INF2: variants seen among roughly 807,000 people sequenced by gnomAD.
INF2 encodes inverted formin-2.
INF2 carries 43 observed loss-of-function variants against 123.5 expected under a neutral mutation model. The ratio of observed to expected loss-of-function variants is 0.35; its 90% CI spans 0.27 to 0.45. The LOEUF (loss-of-function observed/expected upper bound fraction) is 0.45. Ranked by LOEUF, INF2 falls within the 20% of genes least tolerant of loss-of-function variation. The pLI, the probability that INF2 is intolerant of heterozygous loss-of-function variation, is 1.00. For missense variants in INF2, 1,453 were observed against 1,682.7 expected, an observed-to-expected ratio of 0.86 and a Z score of 2.39; for synonymous variants, 851 against 745.0, an observed-to-expected ratio of 1.14 and a Z score of -2.32.
At position 104,707,389 on chromosome 14, in the gene INF2, A is replaced by G. The variant is rs201850897; in HGVS notation, c.1122A>G (p.Gln374=). The change falls in exon 8 of 23, where the codon CAA becomes CAG. Residue 374 remains glutamine, a synonymous_variant. Coordinates refer to ENST00000392634, the MANE Select transcript of INF2 (RefSeq NM_022489.4). ...AGAGCCAGAGGGGCAGCTCCCCGCA[A>G]AACACTACAACCCCCAAGCCCAGCG... ...LDQSQRGSSP[Q]NTTTPKPSVE... is the part of the protein sequence containing the mutation. 1.9e-6 allele frequency: 3 copies of G among 1,591,018 alleles called. No homozygotes were observed. Among genetic ancestry groups the G allele is most frequent in the Non-Finnish European group, 2.6e-6 (3 of 1,170,270 alleles).
chr14:104,708,860 A>C (rs1218277711), intron 10 of INF2, 128 bp downstream of exon 10: 2 of 1,036,576 alleles, frequency 1.9e-6, no homozygotes, highest in African/African-American at 1.6e-5. Flanking sequence ...CCTAGGCAGG[A>C]TTGTAGGCGG....
At chr14:104,705,843 CCTG>C (rs1451096097) in intron 5 of INF2, among the ~76,000 whole-genome samples, 189 bp from the exon 6 acceptor site, 1 of 152,204 alleles carries the variant, frequency 6.6e-6, no homozygotes, top group Non-Finnish European at 1.5e-5. Context: ...AAGGCACTGA[CCTG>C]GGAGCTGCCA....
rs965222696 is a variant in INF2 at position 104,699,201 on chromosome 14, C to T, written c.-9-2156C>T. Among the ~76,000 whole-genome samples, 20 of 152,128 alleles carry T rather than the reference C, an allele frequency of 1.3e-4. No individual in the cohort carries two copies. The East Asian group carries it at 2.9e-3, about 22-fold the overall frequency. ...AGGATTTTTTGCATGGAGGGACCCCCGGGGCTCTTGGCTGGAGAGGACACT... is the reference window on the plus strand; with the variant it reads ...AGGATTTTTTGCATGGAGGGACCCCTGGGGCTCTTGGCTGGAGAGGACACT... On this transcript the variant is annotated intron_variant, in intron 1 of 22. Transcript: ENST00000392634. This position sits in a 1 kb window ranked among gnomAD's most constrained non-coding sequence, Gnocchi z 4.7.
intron 1 of INF2, among the ~76,000 whole-genome samples, chr14:104,696,869 G>C (rs1454318793): frequency 6.6e-6 from 1 of 151,262 alleles, no homozygotes; most frequent in African/African-American, 2.4e-5. Context: ...TCAGGGCCCA[G>C]AAGCACCCAG....
At position 104,722,046 on chromosome 14, in the gene INF2, G is replaced by A. The variant is rs540765442; in HGVS notation, c.*3253G>A. The A allele has an allele frequency of 2.0e-5, 3 of 152,468 alleles. No individual in the cohort carries two copies. The highest frequency in any genetic ancestry group is 4.8e-5 in the African/African-American group (2 of 41,582). The allele number at this position is 152,468 out of a possible 1,614,324, so 9.4% of individuals were successfully genotyped here. ...TCGTTCTTGCCCAAGGTCACACATC[G>A]AGACAGCAGGGCCCAGATGGATGGC... On this transcript the variant is annotated 3_prime_UTR_variant, in exon 23 of 23. Coordinates refer to ENST00000392634, the MANE Select transcript of INF2 (RefSeq NM_022489.4).
At chr14:104,687,084 G>C (rs996424503), upstream of INF2, among the ~76,000 whole-genome samples, 1 of 152,310 alleles carries the variant, frequency 6.6e-6, no homozygotes, top group Admixed American at 6.5e-5. The surrounding 1 kb of genome is among the most constrained non-coding windows in gnomAD (Gnocchi z 5.6). Flanking sequence ...TTGTGTACCC[G>C]GCTCCGAGGA....
chr14:104,711,784 G>C, intron 16 of INF2, 85 bp downstream of exon 16: 2 of 1,320,530 alleles, frequency 1.5e-6, no homozygotes, highest in Admixed American at 3.7e-5. Context: ...TGCCCGCCAG[G>C]GCTGGGTCTC....
At chr14:104,689,617 C>CCCCCG, upstream of INF2, 1 of 897,962 alleles carries the variant, frequency 1.1e-6, no homozygotes, top group Non-Finnish European at 1.3e-6. Flanking sequence ...GCCCCGCGCC[C>CCCCCG]GCCAGGAGCC....
At chr14:104,692,572 G>A (rs977536246) in intron 1 of INF2, among the ~76,000 whole-genome samples, 16 of 152,182 alleles carry the variant, frequency 1.1e-4, no homozygotes, top group African/African-American at 3.6e-4. Flanking sequence ...AGCCATTACC[G>A]GGCCTCCAAA....
At chr14:104,715,712 G>GTGT (rs1284985152) in intron 22 of INF2, 6 of 526,950 alleles carry the variant, frequency 1.1e-5, no homozygotes, top group Non-Finnish European at 2.2e-5. Context: ...CTCCTGTCTG[G>GTGT]TGTCCTGGCG....
rs1300292435 is a variant in INF2 at position 104,713,622 on chromosome 14, A to ACTGCCT, written c.3040+18_3040+23dup. 2.4e-5 allele frequency: 38 copies of ACTGCCT among 1,610,622 alleles called. No homozygotes were observed. Among genetic ancestry groups the ACTGCCT allele is most frequent in the Non-Finnish European group, 3.1e-5 (37 of 1,178,564 alleles). On this transcript the variant is annotated intron_variant, in intron 20 of 22. Transcript: ENST00000392634. ...ACAGAGCCTGGTAAGACCCTCTCCC[A>ACTGCCT]CTGCCTCCTCATGGTCCCCTTGCCA...
rs749433414 is a variant in INF2, at chr14:104,714,714, A to G, written c.3552A>G (p.Ala1184=). The change falls in exon 21 of 23, where the codon GCA becomes GCG. Residue 1184 remains alanine (A), a synonymous_variant. Coordinates refer to ENST00000392634, the MANE Select transcript of INF2 (RefSeq NM_022489.4). The stretch of plus-strand genomic sequence containing the variant: ...AGGAGGACACGGCCCCAGAGTCCGC[A>G]CTGGACACATCCCTGGACAAGTCCT... The part of the protein sequence containing the change: ...EDEEDTAPES[A]LDTSLDKSFS... 3.7e-6 allele frequency: 6 copies of G among 1,609,110 alleles called. No individual in the cohort carries two copies. The highest frequency in any genetic ancestry group is 2.2e-5 in the South Asian group (2 of 90,898).
chr14:104,684,162 C>A lies in INF2; in HGVS notation c.-104+2580C>A, dbSNP rs542784993. ...CCCATCATGCAAGTAACCTGCGTGCCGCCACGGGAAACAGCACGCATCCCA... is the reference window on the plus strand; with the variant it reads ...CCCATCATGCAAGTAACCTGCGTGCAGCCACGGGAAACAGCACGCATCCCA... On this transcript the variant is annotated intron_variant, in intron 1 of 2. Transcript: ENST00000674723. This position sits in a 1 kb window ranked among gnomAD's most constrained non-coding sequence, Gnocchi z 5.0. The A allele has an allele frequency of 4.0e-4, 182 of 455,754 alleles. 5 individuals are homozygous for A. Among genetic ancestry groups the A allele is most frequent in the South Asian group, 2.7e-3 (177 of 64,506 alleles). The allele number at this position is 455,754 out of a possible 1,614,324, so 28.2% of individuals were successfully genotyped here.
rs183636353 is a variant in INF2 at position 104,716,191 on chromosome 14, G to A, written c.*1+851G>A. 1.2e-4 allele frequency among the ~76,000 whole-genome samples: 19 copies of A among 152,338 alleles called. No homozygotes were observed. The East Asian group carries it at 2.5e-3, about 20-fold the overall frequency. ...CTCCAGCCTTGCTCAGAGCCAGCCC[G>A]GTGTCGGTGCATCACAAATATGCTG... On this transcript the variant is annotated intron_variant, in intron 22 of 22. Transcript: ENST00000392634.
At chr14:104,703,001 TG>T in intron 2 of INF2, 103 bp from the exon 3 acceptor site, 1 of 902,724 alleles carries the variant, frequency 1.1e-6, no homozygotes, top group Non-Finnish European at 1.8e-6. Context: ...CGGCACCCCC[TG>T]GCGTCTGCCT....
chr14:104,710,232 T>C, intron 13 of INF2, 44 bp downstream of exon 13: 3 of 1,427,668 alleles, frequency 2.1e-6, no homozygotes, highest in Non-Finnish European at 2.9e-6. Context: ...GGGACAGGCC[T>C]CCGAACCGGG....
rs75836310 is a variant in INF2 at position 104,703,834 on chromosome 14, C to G, written c.668-82C>G. ...TCCCATGAGTGCAGCAGGGCAGGGT[C>G]AGGTGCTCTGGGTGGCAGAAGTGAA... is the stretch of plus-strand genomic sequence containing the variant. On this transcript the variant is annotated intron_variant, in intron 4 of 22. Transcript: ENST00000392634. 2.6e-3 allele frequency: 4,113 copies of G among 1,604,982 alleles called. 76 individuals are homozygous for G. The African/African-American group carries it at 0.047, about 18-fold the overall frequency.
chr14:104,712,784 C>T, intron 17 of INF2, 44 bp from the exon 18 acceptor site: 4 of 1,557,668 alleles, frequency 2.6e-6, no homozygotes, highest in Non-Finnish European at 3.5e-6. Context: ...CGGGTGGTGC[C>T]CGCGCGGGGC....
chr14:104,707,639 C>T lies in INF2; in HGVS notation c.1372C>T (p.Pro458Ser), dbSNP rs760986113. The T allele has an allele frequency of 3.9e-4, 377 of 956,702 alleles. 2 individuals carry two copies. The East Asian group carries it at 0.01, about 26-fold the overall frequency. 59.3% of individuals were successfully genotyped at this position (956,702 alleles called of 1,614,324 possible). A position where few individuals can be genotyped will look rare whatever the true frequency, so the allele number is the denominator to read the frequency against. Reference protein sequence around the residue: ...SVGAKALPTAPPPPPLPGLGA... With the variant: ...SVGAKALPTASPPPPLPGLGA... ...GGGGGCTAAGGCCCTCCCAACAGCA[C>T]CCCCGCCCCCACCCCTGCCAGGCCT... The change falls in exon 8 of 23, where the codon CCC becomes TCC. Residue 458 changes from proline to serine, a missense_variant. Pro to Ser is a moderately conservative substitution (Grantham distance 74). Around this residue, in one of 8 missense-constraint regions of INF2, gnomAD observed 374 missense variants for 303.7 expected, o/e 1.23. Transcript: ENST00000392634.
Sources: gnomAD v4.1 joint callset for allele counts (sites outside exome capture counted in the v4.1 genomes callset) on GRCh38, gnomAD v4.1.1 for gene constraint, gnomAD v4.1.1 regional missense constraint, Gnocchi (gnomAD v3.1) non-coding constraint, MANE v1.5 for transcripts, NCBI Gene and HGNC (gene_info 2026-07-23, HGNC 2026-07-21) for gene names.